HEMK2: variants seen among roughly 807,000 people sequenced by gnomAD.
HEMK2 encodes HemK methyltransferase 2, ETF1 glutamine and histone H4 lysine.
the HEMK2 span, among the ~76,000 whole-genome samples, chr21:28,637,719 C>T: frequency 6.6e-6 from 1 of 152,156 alleles, no homozygotes; most frequent in Non-Finnish European, 1.5e-5. Context: ...GGAAGCCAAG[C>T]TAGCTGAATT....
the HEMK2 span, among the ~76,000 whole-genome samples, chr21:28,745,623 C>A: frequency 6.6e-6 from 1 of 152,192 alleles, no homozygotes; most frequent in African/African-American, 2.4e-5. Flanking sequence ...CACTTTCCTG[C>A]ATCTGGATGA....
the HEMK2 span, among the ~76,000 whole-genome samples, chr21:28,841,111 AATAT>A: frequency 2.9e-5 from 1 of 34,542 alleles, no homozygotes; most frequent in African/African-American, 1.5e-4. Context: ...TTATATAATA[AATAT>A]TATATATAAT....
chr21:28,786,923 A>C, the HEMK2 span, among the ~76,000 whole-genome samples: 1 of 152,166 alleles, frequency 6.6e-6, no homozygotes, highest in Admixed American at 6.5e-5. Context: ...GTTAGAAAAA[A>C]CAGTTCTAAA....
chr21:28,829,844 T>C, the HEMK2 span, among the ~76,000 whole-genome samples: 1 of 152,194 alleles, frequency 6.6e-6, no homozygotes, highest in Non-Finnish European at 1.5e-5. Flanking sequence ...ATTTCATTGA[T>C]ACCCATTATA....
chr21:28,651,480 G>A, the HEMK2 span, among the ~76,000 whole-genome samples: 1 of 152,178 alleles, frequency 6.6e-6, no homozygotes, highest in Non-Finnish European at 1.5e-5. Flanking sequence ...ACAGAATAAA[G>A]TAGTGTTATT....
the HEMK2 span, among the ~76,000 whole-genome samples, chr21:28,623,750 G>A: frequency 2.6e-5 from 4 of 152,202 alleles, no homozygotes; most frequent in East Asian, 1.9e-4. Flanking sequence ...ACCAAACACC[G>A]CATGTTCTCA....
chr21:28,648,095 C>T, the HEMK2 span, among the ~76,000 whole-genome samples: 1 of 152,166 alleles, frequency 6.6e-6, no homozygotes, highest in Non-Finnish European at 1.5e-5. Flanking sequence ...ATACTTTTGC[C>T]TCTTTGCATA....
chr21:28,815,235 TG>T, the HEMK2 span, among the ~76,000 whole-genome samples: 2 of 36,672 alleles, frequency 5.5e-5, no homozygotes, highest in African/African-American at 2.2e-4. Context: ...TGTTGTGGGG[TG>T]GGGGGAGGGG....
chr21:28,614,961 T>A, the HEMK2 span, among the ~76,000 whole-genome samples: 2 of 152,180 alleles, frequency 1.3e-5, no homozygotes, highest in African/African-American at 4.8e-5. Context: ...AACCCCTTCC[T>A]AATCTCTGAA....
the HEMK2 span, among the ~76,000 whole-genome samples, chr21:28,674,396 C>T: frequency 1.1e-4 from 17 of 152,296 alleles, no homozygotes; most frequent in Middle Eastern, 3.4e-3. Flanking sequence ...AATTCTTTCT[C>T]GCTCAAGATC....
the HEMK2 span, among the ~76,000 whole-genome samples, chr21:28,730,477 G>A: frequency 6.6e-6 from 1 of 151,808 alleles, no homozygotes; most frequent in Admixed American, 6.6e-5. Context: ...CTGGCTCAGG[G>A]CCTCTCACCA....
At chr21:28,791,919 C>T in the HEMK2 span, among the ~76,000 whole-genome samples, 9 of 152,100 alleles carry the variant, frequency 5.9e-5, no homozygotes, top group East Asian at 1.7e-3. Flanking sequence ...AAAGACCTTG[C>T]TGATAAACCA....
chr21:28,658,504 T>G, the HEMK2 span, among the ~76,000 whole-genome samples: 1 of 152,108 alleles, frequency 6.6e-6, no homozygotes, highest in Non-Finnish European at 1.5e-5. Context: ...AAAGGTCTTC[T>G]GCCTGTGCAA....
the HEMK2 span, among the ~76,000 whole-genome samples, chr21:28,783,910 G>A: frequency 6.6e-6 from 1 of 152,232 alleles, no homozygotes; most frequent in East Asian, 1.9e-4. Context: ...GCCAGCAGCT[G>A]CAGAGGGTGC....
the HEMK2 span, among the ~76,000 whole-genome samples, chr21:28,680,405 A>C: frequency 2.1e-4 from 32 of 152,346 alleles, no homozygotes; most frequent in African/African-American, 7.7e-4. Flanking sequence ...TGAGGCAATA[A>C]TTAATAGTTT....
the HEMK2 span, among the ~76,000 whole-genome samples, chr21:28,807,864 T>C: frequency 6.6e-6 from 1 of 152,296 alleles, no homozygotes; most frequent in Admixed American, 6.5e-5. Flanking sequence ...ATTAATTTTT[T>C]TCCCATCCAT....
the HEMK2 span, among the ~76,000 whole-genome samples, chr21:28,650,601 C>T: frequency 1.3e-5 from 2 of 152,044 alleles, no homozygotes; most frequent in African/African-American, 4.8e-5. Context: ...AATGGAAGTA[C>T]CTATAGCCAA....
the HEMK2 span, among the ~76,000 whole-genome samples, chr21:28,869,195 G>A: frequency 2.0e-5 from 3 of 152,070 alleles, no homozygotes; most frequent in Non-Finnish European, 2.9e-5. Flanking sequence ...TTCAACAAAC[G>A]TATATCCACA....
the HEMK2 span, among the ~76,000 whole-genome samples, chr21:28,776,777 G>C: frequency 6.6e-6 from 1 of 152,166 alleles, no homozygotes; most frequent in African/African-American, 2.4e-5. Flanking sequence ...TTCAAGGGCA[G>C]GAAGCATCCA....
Sources: allele counts gnomAD v4.1 joint callset (sites outside exome capture counted in the v4.1 genomes callset), GRCh38; gene constraint gnomAD v4.1.1; transcripts MANE v1.5; gene names NCBI Gene and HGNC (gene_info 2026-07-23, HGNC 2026-07-21).